The following DCC variants were observed in gnomAD, a reference collection of about 807,000 sequenced individuals.
The protein encoded by DCC is netrin receptor DCC.
Under a neutral mutation model 172.5 loss-of-function variants are expected in DCC, and 58 were observed. The ratio of observed to expected loss-of-function variants is 0.34; its 90% confidence interval spans 0.27 to 0.42. The LOEUF (loss-of-function observed/expected upper bound fraction) is 0.42. Among genes scored for constraint, DCC ranks in the 10% least tolerant of loss-of-function variants. The pLI is 1.00. For synonymous variants in DCC, 709 were observed against 644.5 expected, an observed-to-expected ratio of 1.10 and a Z score of -1.52; for missense variants, 1,740 against 1,791.0, an observed-to-expected ratio of 0.97 and a Z score of 0.51.
Position 53,006,228 on chromosome 18 carries a change from T to A in DCC, c.986-57077T>A, listed in dbSNP as rs185798348. On this transcript the variant is annotated intron_variant, in intron 5 of 28. Coordinates refer to ENST00000442544, the MANE Select transcript of DCC (RefSeq NM_005215.4). ...TCTCATGACAAACAAATAGAATTTA[T>A]CTTCTGAACCTGCTAAAGTGAGATT... is the stretch of plus-strand genomic sequence containing the variant. Among the ~76,000 whole-genome samples, 61 of 152,318 alleles carry A rather than the reference T, an allele frequency of 4.0e-4. No homozygotes were observed. In the East Asian group the frequency reaches 0.011, roughly 26 times the overall value.
intron 15 of DCC, among the ~76,000 whole-genome samples, chr18:53,342,980 T>C (rs2057679283): frequency 6.9e-6 from 1 of 145,526 alleles, no homozygotes; most frequent in Non-Finnish European, 1.5e-5. Flanking sequence ...TGTATTGTGG[T>C]ATTTATAAAT....
At chr18:52,720,441 T>G (rs528603996) in intron 1 of DCC, among the ~76,000 whole-genome samples, 1 of 152,166 alleles carries the variant, frequency 6.6e-6, no homozygotes, top group Non-Finnish European at 1.5e-5. Context: ...GTTAGCTAGT[T>G]AAGATCCGGA....
intron 9 of DCC, among the ~76,000 whole-genome samples, chr18:53,196,367 T>A (rs977643837): frequency 2.0e-5 from 3 of 152,128 alleles, no homozygotes; most frequent in African/African-American, 7.2e-5. Context: ...AAAGTAAAAT[T>A]CAAAAAGCTC....
At chr18:53,473,958 C>T (rs2045730123) in intron 25 of DCC, among the ~76,000 whole-genome samples, 1 of 152,110 alleles carries the variant, frequency 6.6e-6, no homozygotes, top group African/African-American at 2.4e-5. Context: ...CCTAAAATAA[C>T]AAATCTTCTC....
chr18:52,394,677 G>C (rs1361026424), intron 1 of DCC, among the ~76,000 whole-genome samples: 1 of 152,016 alleles, frequency 6.6e-6, no homozygotes, highest in African/African-American at 2.4e-5. Context: ...GTTATTTCCT[G>C]CAGCTTCCAG....
At chr18:52,400,286 G>T (rs895558291) in intron 1 of DCC, among the ~76,000 whole-genome samples, 1 of 151,916 alleles carries the variant, frequency 6.6e-6, no homozygotes, top group African/African-American at 2.4e-5. Context: ...AAAAGTATTG[G>T]CAGACACCAA....
chr18:53,115,238 C>T (rs1243478237), intron 7 of DCC, among the ~76,000 whole-genome samples: 1 of 151,420 alleles, frequency 6.6e-6, no homozygotes, highest in Non-Finnish European at 1.5e-5. Context: ...GGGAGATGAA[C>T]TAAAATCTTT....
intron 12 of DCC, among the ~76,000 whole-genome samples, chr18:53,232,555 T>C (rs983888666): frequency 1.3e-5 from 2 of 152,176 alleles, no homozygotes; most frequent in Non-Finnish European, 2.9e-5. Flanking sequence ...CATGTATCTT[T>C]GTTACATTTT....
At chr18:53,266,655 A>G (rs965883080) in intron 12 of DCC, among the ~76,000 whole-genome samples, 1 of 152,012 alleles carries the variant, frequency 6.6e-6, no homozygotes, top group Non-Finnish European at 1.5e-5. Context: ...CTGATTGTAG[A>G]TTTTTATTAT....
At chr18:53,529,173 C>G (rs1375458952) in intron 28 of DCC, among the ~76,000 whole-genome samples, 1 of 152,038 alleles carries the variant, frequency 6.6e-6, no homozygotes, top group Non-Finnish European at 1.5e-5. Context: ...ATGCCCGAAT[C>G]ATTCACTGAC....
At chr18:52,921,688 C>A (rs573842773) in intron 3 of DCC, among the ~76,000 whole-genome samples, 2 of 137,400 alleles carry the variant, frequency 1.5e-5, no homozygotes, top group Admixed American at 8.3e-5. Context: ...GACAGAGAGG[C>A]TCCATCTCAA....
chr18:52,416,591 C>T (rs953683206), intron 1 of DCC, among the ~76,000 whole-genome samples: 3 of 151,650 alleles, frequency 2.0e-5, no homozygotes, highest in Admixed American at 6.6e-5. Flanking sequence ...GGATAGTTAG[C>T]TCTTCTTGTT....
intron 1 of DCC, among the ~76,000 whole-genome samples, chr18:52,364,526 G>A (rs1288867171): frequency 1.3e-5 from 2 of 152,172 alleles, no homozygotes. Flanking sequence ...TAAGAGTTGG[G>A]AGGGAACTTG....
At chr18:52,837,740 C>A (rs2038732345) in intron 2 of DCC, among the ~76,000 whole-genome samples, 1 of 152,204 alleles carries the variant, frequency 6.6e-6, no homozygotes, top group Admixed American at 6.5e-5. Context: ...TTTTCAGTAT[C>A]ATTATAATAG....
In DCC at chr18:52,379,330, C is replaced by G. The variant is rs139025547; in HGVS notation, c.91+38452C>G. ...GTAGTAGAGAGAGTTGAGGCTTTGGCATCTAAAAGATCTGATTTTAAATCC... is the reference window on the plus strand; with the variant it reads ...GTAGTAGAGAGAGTTGAGGCTTTGGGATCTAAAAGATCTGATTTTAAATCC... On this transcript the variant is annotated intron_variant, in intron 1 of 28. Transcript: ENST00000442544. 2.9e-3 allele frequency among the ~76,000 whole-genome samples: 447 copies of G among 152,152 alleles called. 1 individual carries two copies. The highest frequency in any genetic ancestry group is 0.01 in the African/African-American group (425 of 41,518).
intron 7 of DCC, among the ~76,000 whole-genome samples, chr18:53,092,051 G>A (rs1200148511): frequency 1.3e-5 from 2 of 151,884 alleles, no homozygotes; most frequent in African/African-American, 2.4e-5. Flanking sequence ...TTTAATTCTA[G>A]GAAATTCAAT....
At chr18:52,879,965 T>C (rs1055263636) in intron 2 of DCC, among the ~76,000 whole-genome samples, 4 of 152,180 alleles carry the variant, frequency 2.6e-5, no homozygotes, top group Non-Finnish European at 5.9e-5. Context: ...ATGTGGTATG[T>C]AATAATTATG....
intron 1 of DCC, among the ~76,000 whole-genome samples, chr18:52,368,923 C>T (rs1270897977): frequency 6.6e-6 from 1 of 152,168 alleles, no homozygotes; most frequent in African/African-American, 2.4e-5. Flanking sequence ...AAGTATGTAT[C>T]ATGATGCAAA....
intron 4 of DCC, among the ~76,000 whole-genome samples, chr18:52,924,303 C>T (rs991434746): frequency 6.6e-6 from 1 of 152,186 alleles, no homozygotes; most frequent in Middle Eastern, 3.4e-3. Flanking sequence ...TTACAGTCTA[C>T]ACTGTTATTA....
Sources: gnomAD v4.1 joint callset for allele counts (sites outside exome capture counted in the v4.1 genomes callset) on GRCh38, gnomAD v4.1.1 for gene constraint, MANE v1.5 for transcripts, NCBI Gene and HGNC (gene_info 2026-07-23, HGNC 2026-07-21) for gene names.